ARHGAP15: variants seen among roughly 807,000 people sequenced by gnomAD.
The protein encoded by ARHGAP15 is Rho GTPase activating protein 15.
In ARHGAP15, 51 loss-of-function variants were observed where a neutral mutation model predicts 63.7. The observed-to-expected ratio is 0.80, with a 90% CI of 0.64 to 1.01. ARHGAP15 has a LOEUF of 1.01. Ranked by LOEUF, ARHGAP15 falls within the 50% of genes least tolerant of loss-of-function variation. ARHGAP15 has a pLI of 0.00. For synonymous variants in ARHGAP15, 191 were observed against 193.8 expected (o/e 0.99, Z 0.12); for missense variants, 560 against 564.6 (o/e 0.99, Z 0.08).
intron 6 of ARHGAP15, among the ~76,000 whole-genome samples, chr2:143,285,975 T>C (rs1016442704): frequency 6.6e-6 from 1 of 151,936 alleles, no homozygotes; most frequent in African/African-American, 2.4e-5. Flanking sequence ...AACTTAAAAA[T>C]TCTCTGAAAT....
chr2:143,271,631 T>A lies in ARHGAP15; in HGVS notation c.474+21031T>A, dbSNP rs562442326. On this transcript the variant is annotated intron_variant, in intron 6 of 13. Coordinates refer to ENST00000295095, the MANE Select transcript of ARHGAP15 (RefSeq NM_018460.4). ...GCTGGGACCACAGGTGCCTGCCACC[T>A]CGCCCGGCTAATTTTTTTGTAACTT... Among the ~76,000 whole-genome samples the A allele has an allele frequency of 3.5e-3, 526 of 152,294 alleles. 3 individuals carry two copies. The highest frequency in any genetic ancestry group is 0.011 in the African/African-American group (447 of 41,566).
At chr2:143,463,251 T>C (rs1311727672) in intron 8 of ARHGAP15, among the ~76,000 whole-genome samples, 1 of 151,722 alleles carries the variant, frequency 6.6e-6, no homozygotes, top group Non-Finnish European at 1.5e-5. Context: ...ATAATATATA[T>C]ATATTATAGG....
At chr2:143,651,089 A>G (rs1370949216) in intron 12 of ARHGAP15, among the ~76,000 whole-genome samples, 5 of 152,014 alleles carry the variant, frequency 3.3e-5, no homozygotes, top group Non-Finnish European at 7.4e-5. Context: ...TCACTGAAAT[A>G]CAGGTTTCCT....
At position 143,333,316 on chromosome 2, in the gene ARHGAP15, C is replaced by A. The variant is rs188661872; in HGVS notation, c.474+82716C>A. The stretch of plus-strand genomic sequence containing the variant: ...TGTGGACTCTTTGCAGTGTTATTAC[C>A]ATATGAAGATGACACGTCGGTGAAC... On this transcript the variant is annotated intron_variant, in intron 6 of 13. Transcript: ENST00000295095. Among the ~76,000 whole-genome samples, 34 of 152,218 alleles carry A rather than the reference C, an allele frequency of 2.2e-4. No homozygotes were observed. The East Asian group carries it at 6.2e-3, about 28-fold the overall frequency.
chr2:143,225,519 T>A (rs1337715902), intron 4 of ARHGAP15, among the ~76,000 whole-genome samples: 1 of 152,166 alleles, frequency 6.6e-6, no homozygotes, highest in Non-Finnish European at 1.5e-5. Flanking sequence ...GAGAATGGCA[T>A]GAACCCAGGA....
intron 2 of ARHGAP15, among the ~76,000 whole-genome samples, chr2:143,194,642 G>A (rs1285740321): frequency 1.3e-5 from 2 of 152,068 alleles, no homozygotes; most frequent in Admixed American, 6.6e-5. Context: ...CTTAAAAGCC[G>A]ATTTGAAGGC....
chr2:143,221,908 C>T (rs1014628197), intron 4 of ARHGAP15, among the ~76,000 whole-genome samples: 3 of 152,158 alleles, frequency 2.0e-5, no homozygotes, highest in African/African-American at 7.2e-5. Flanking sequence ...ACTAGGCCTT[C>T]GGTTGGGTTT....
intron 8 of ARHGAP15, among the ~76,000 whole-genome samples, chr2:143,447,098 G>A (rs536575041): frequency 2.0e-5 from 3 of 152,076 alleles, no homozygotes; most frequent in Non-Finnish European, 4.4e-5. Context: ...ACGTGTGCAT[G>A]TGTCTTTATA....
chr2:143,392,070 G>A (rs1324576372), intron 6 of ARHGAP15, among the ~76,000 whole-genome samples: 1 of 152,052 alleles, frequency 6.6e-6, no homozygotes, highest in Non-Finnish European at 1.5e-5. Flanking sequence ...AGGTAACAGG[G>A]ACCCACAGAA....
chr2:143,662,123 A>G (rs539675751), intron 12 of ARHGAP15, among the ~76,000 whole-genome samples: 1 of 152,380 alleles, frequency 6.6e-6, no homozygotes, highest in East Asian at 1.9e-4. Context: ...GGCAGGGCAC[A>G]GACAAACAAA....
chr2:143,587,258 A>T (rs2105159570), intron 11 of ARHGAP15, among the ~76,000 whole-genome samples: 1 of 152,240 alleles, frequency 6.6e-6, no homozygotes, highest in African/African-American at 2.4e-5. Context: ...TGACTCTCAG[A>T]TTCTTCCCTC....
At chr2:143,587,378 A>G (rs1221921895) in intron 11 of ARHGAP15, among the ~76,000 whole-genome samples, 1 of 152,018 alleles carries the variant, frequency 6.6e-6, no homozygotes, top group Non-Finnish European at 1.5e-5. Context: ...GAAGGGTTGT[A>G]TTGTTAGTGT....
chr2:143,424,035 G>A (rs995429919), intron 6 of ARHGAP15, among the ~76,000 whole-genome samples: 3 of 152,150 alleles, frequency 2.0e-5, no homozygotes. Context: ...TAAGTGGCAT[G>A]TGACAGATAT....
chr2:143,210,408 T>C (rs1272747161), intron 3 of ARHGAP15, among the ~76,000 whole-genome samples: 1 of 152,040 alleles, frequency 6.6e-6, no homozygotes, highest in Non-Finnish European at 1.5e-5. Context: ...AAACATCAAA[T>C]AATAACATTT....
chr2:143,305,175 C>T (rs1683110634), intron 6 of ARHGAP15, among the ~76,000 whole-genome samples: 4 of 151,894 alleles, frequency 2.6e-5, no homozygotes, highest in Admixed American at 2.0e-4. Context: ...ATGTCCTTTT[C>T]AGGGACATGG....
At chr2:143,388,968 C>T (rs1687421062) in intron 6 of ARHGAP15, among the ~76,000 whole-genome samples, 1 of 151,512 alleles carries the variant, frequency 6.6e-6, no homozygotes, top group African/African-American at 2.4e-5. Flanking sequence ...ATTTGGTAAA[C>T]TAGTAGTTTA....
At chr2:143,130,121 T>C (rs936328582) in intron 1 of ARHGAP15, among the ~76,000 whole-genome samples, 89 of 152,138 alleles carry the variant, frequency 5.8e-4, no homozygotes, top group African/African-American at 2.1e-3. Flanking sequence ...TCACAGCTGA[T>C]TTCATTGAAG....
In ARHGAP15 at chr2:143,414,607, C is replaced by T. The variant is rs75209387; in HGVS notation, c.475-20994C>T. Among the ~76,000 whole-genome samples the T allele has an allele frequency of 6.6e-5, 10 of 152,272 alleles. 1 individual carries two copies. In the East Asian group the frequency reaches 1.7e-3, roughly 26 times the overall value. On this transcript the variant is annotated intron_variant, in intron 6 of 13. Coordinates refer to ENST00000295095, the MANE Select transcript of ARHGAP15 (RefSeq NM_018460.4). ...TTACCAAACCTTCAAAGACCAAGCA[C>T]TCTCCATGTTATATAAGGTCTTACA... is the stretch of plus-strand genomic sequence containing the variant.
intron 8 of ARHGAP15, among the ~76,000 whole-genome samples, chr2:143,485,871 T>G (rs1692301820): frequency 6.6e-6 from 1 of 152,182 alleles, no homozygotes; most frequent in African/African-American, 2.4e-5. Context: ...ATTTAGTAAT[T>G]TACAGTACCT....
Sources: allele counts gnomAD v4.1 joint callset (sites outside exome capture counted in the v4.1 genomes callset), GRCh38; gene constraint gnomAD v4.1.1; transcripts MANE v1.5; gene names NCBI Gene and HGNC (gene_info 2026-07-23, HGNC 2026-07-21).